The following CCDC7 variants were observed in gnomAD, a reference collection of about 807,000 sequenced individuals.
CCDC7 encodes the protein coiled-coil domain containing 7.
A neutral mutation model predicts 196.9 loss-of-function variants in CCDC7; 183 were observed. That is an observed-to-expected ratio of 0.93 (90% confidence interval 0.82 to 1.05). CCDC7 has a LOEUF of 1.05. Among genes scored for constraint, CCDC7 ranks in the 50% least tolerant of loss-of-function variants. The pLI is 0.00. For missense variants in CCDC7, 1,540 were observed against 1,482.2 expected, an observed-to-expected ratio of 1.04 and a Z score of -0.64; for synonymous variants, 525 against 484.6, an observed-to-expected ratio of 1.08 and a Z score of -1.10.
chr10:32,835,835 A>T (rs536058223), intron 33 of CCDC7, among the ~76,000 whole-genome samples: 1 of 152,242 alleles, frequency 6.6e-6, no homozygotes, highest in East Asian at 1.9e-4. Context: ...AACTTAAAAT[A>T]AAAGTTGAAA....
At chr10:32,447,757 C>T (rs1225703297), upstream of CCDC7, among the ~76,000 whole-genome samples, 1 of 151,986 alleles carries the variant, frequency 6.6e-6, no homozygotes, top group Non-Finnish European at 1.5e-5. Context: ...CAAAAATTAG[C>T]CGGACGTGGC....
intron 30 of CCDC7, among the ~76,000 whole-genome samples, chr10:32,808,914 G>A (rs1162664174): frequency 6.6e-6 from 1 of 152,140 alleles, no homozygotes; most frequent in African/African-American, 2.4e-5. Flanking sequence ...GGTGACTCAT[G>A]CCTATACCCC....
chr10:32,468,804 A>G (rs1297029985), intron 5 of CCDC7, among the ~76,000 whole-genome samples: 1 of 152,198 alleles, frequency 6.6e-6, no homozygotes, highest in East Asian at 1.9e-4. Flanking sequence ...TCTTATGCAC[A>G]CTAACATTTG....
At chr10:32,848,776 A>G in intron 39 of CCDC7, 58 bp downstream of exon 40, 2 of 1,287,036 alleles carry the variant, frequency 1.6e-6, no homozygotes, top group South Asian at 2.7e-5. Flanking sequence ...AATAGTTTTA[A>G]AGTATGCTTT....
intron 32 of CCDC7, among the ~76,000 whole-genome samples, chr10:32,832,777 C>T (rs2092307698): frequency 6.6e-6 from 1 of 151,842 alleles, no homozygotes; most frequent in South Asian, 2.1e-4. Context: ...TATATAAATG[C>T]ATATTTTGTT....
chr10:32,784,112 C>T (rs1392126609), intron 29 of CCDC7, among the ~76,000 whole-genome samples: 2 of 151,966 alleles, frequency 1.3e-5, no homozygotes, highest in Admixed American at 6.6e-5. Flanking sequence ...ATTAATCATA[C>T]ATTTAAAATG....
intron 32 of CCDC7, among the ~76,000 whole-genome samples, chr10:32,832,055 C>T (rs1411513834): frequency 3.3e-5 from 5 of 152,148 alleles, no homozygotes; most frequent in Admixed American, 6.6e-5. Flanking sequence ...ATGGTTACAA[C>T]ATCACTACAT....
At chr10:32,546,798 A>G (rs542062944) in intron 13 of CCDC7, among the ~76,000 whole-genome samples, 8 of 152,264 alleles carry the variant, frequency 5.3e-5, no homozygotes, top group South Asian at 2.1e-4. Context: ...TCACCAGGCT[A>G]TTATCAAAGT....
At chr10:32,453,312 G>C in intron 1 of CCDC7, 32 bp from the exon 3 acceptor site, 1 of 1,384,300 alleles carries the variant, frequency 7.2e-7, no homozygotes, top group Non-Finnish European at 9.5e-7. Context: ...AACTATTAAA[G>C]TATCTAATTG....
chr10:32,579,528 AGT>A (rs1159004582), intron 16 of CCDC7, among the ~76,000 whole-genome samples: 1 of 152,236 alleles, frequency 6.6e-6, no homozygotes, highest in Non-Finnish European at 1.5e-5. Flanking sequence ...GTACAAAAAT[AGT>A]AGCCTTGTGT....
intron 32 of CCDC7, 38 bp from the exon 34 acceptor site, chr10:32,834,777 C>A: frequency 1.1e-6 from 1 of 922,612 alleles, no homozygotes; most frequent in East Asian, 2.6e-5. Context: ...TACAATTTAC[C>A]TTTCAAAGCG....
At chr10:32,760,558 A>G (rs2077287559) in intron 28 of CCDC7, among the ~76,000 whole-genome samples, 1 of 152,082 alleles carries the variant, frequency 6.6e-6, no homozygotes, top group South Asian at 2.1e-4. Flanking sequence ...GAACACTTGG[A>G]CACAGGAAGG....
chr10:32,875,461 T>A (rs941651423), intron 41 of CCDC7, among the ~76,000 whole-genome samples: 1 of 152,056 alleles, frequency 6.6e-6, no homozygotes, highest in Non-Finnish European at 1.5e-5. Flanking sequence ...CAGCCTTATT[T>A]CTGGGCCCTC....
intron 28 of CCDC7, among the ~76,000 whole-genome samples, chr10:32,757,483 A>C (rs1319386035): frequency 1.3e-5 from 2 of 152,234 alleles, no homozygotes; most frequent in African/African-American, 4.8e-5. Context: ...GAGGCTAAAC[A>C]ATCTGCTTCT....
At position 32,862,295 on chromosome 10, in the gene CCDC7, T is replaced by A. The variant is rs867102598; in HGVS notation, c.4111+7806T>A. Among the ~76,000 whole-genome samples, 19 of 151,974 alleles carry A rather than the reference T, an allele frequency of 1.3e-4. 2 individuals are homozygous for A. The South Asian group carries it at 3.9e-3, about 32-fold the overall frequency. On this transcript the variant is annotated intron_variant, in intron 41 of 41. Transcript: ENST00000639629. Reference sequence around the variant, plus strand: ...CATGGATGATGCTGGAAACCATCATTCACAGCAAACTAACACAAGAACAGA... The same window carrying A: ...CATGGATGATGCTGGAAACCATCATACACAGCAAACTAACACAAGAACAGA...
At chr10:32,640,026 G>A (rs34910378) in intron 20 of CCDC7, among the ~76,000 whole-genome samples, 17,153 of 152,186 alleles carry the variant, frequency 0.11, 1,166 homozygotes, top group South Asian at 0.27. Context: ...TGTTGATTTG[G>A]GGTGGAGAGT....
chr10:32,574,541 A>G, intron 16 of CCDC7: 1 of 1,380,974 alleles, frequency 7.2e-7, no homozygotes, highest in Non-Finnish European at 9.5e-7. Flanking sequence ...TGCTTACAAT[A>G]AAGTACATTT....
At chr10:32,530,583 T>C (rs893242281) in intron 11 of CCDC7, among the ~76,000 whole-genome samples, 1 of 152,292 alleles carries the variant, frequency 6.6e-6, no homozygotes, top group Middle Eastern at 3.4e-3. Flanking sequence ...ATATAATTGG[T>C]ACTGTTTTTT....
At chr10:32,453,320 T>C (rs1411319314) in intron 1 of CCDC7, 24 bp from the exon 3 acceptor site, 6 of 1,446,858 alleles carry the variant, frequency 4.1e-6, no homozygotes, top group South Asian at 1.7e-5. Flanking sequence ...AAGTATCTAA[T>C]TGGCTTTTAT....
Sources: gnomAD v4.1 joint callset for allele counts (sites outside exome capture counted in the v4.1 genomes callset) on GRCh38, gnomAD v4.1.1 for gene constraint, MANE v1.5 for transcripts, NCBI Gene and HGNC (gene_info 2026-07-23, HGNC 2026-07-21) for gene names.